Variants in MAP3K7 observed in about 807,000 individuals in gnomAD.
The protein encoded by MAP3K7 is TGF-beta activated kinase 1.
In MAP3K7, 21 loss-of-function variants were observed where a neutral mutation model predicts 84.8. The observed-to-expected ratio is 0.25, with a 90% CI of 0.18 to 0.36. The LOEUF is 0.36. MAP3K7 is among the 10% of genes least tolerant of loss of function. The probability of loss-of-function intolerance (pLI) is 1.00; values close to 1 mark genes in which losing one functional copy is unlikely to be tolerated. For synonymous variants in MAP3K7, 241 were observed against 247.7 expected, an observed-to-expected ratio of 0.97 and a Z score of 0.25; for missense variants, 503 against 747.7, an observed-to-expected ratio of 0.67 and a Z score of 3.82.
intron 9 of MAP3K7, among the ~76,000 whole-genome samples, 175 bp from the exon 10 acceptor site, chr6:90,548,352 T>C (rs1164852896): frequency 1.3e-5 from 2 of 152,112 alleles, no homozygotes; most frequent in African/African-American, 2.4e-5. Context: ...AACTTAAGGA[T>C]AGCACAAAAA....
intron 1 of MAP3K7, among the ~76,000 whole-genome samples, chr6:90,574,272 CTTTCT>C (rs1483340102): frequency 6.6e-6 from 1 of 152,048 alleles, no homozygotes; most frequent in Non-Finnish European, 1.5e-5. Context: ...CATTTCTTTT[CTTTCT>C]TTTTTCTTTT....
chr6:90,514,675 A>T lies in MAP3K7; in HGVS notation c.*1826T>A, dbSNP rs934724595. On this transcript the variant is annotated 3_prime_UTR_variant, in exon 17 of 17. Coordinates refer to ENST00000369329, the MANE Select transcript of MAP3K7 (RefSeq NM_145331.3). The stretch of plus-strand genomic sequence containing the variant: ...TCACGCTTGGATATCTCGTGCTGAG[A>T]TAAAAGGCCTCTTTAAAGTGACTAG... 1 of 152,028 alleles carries T rather than the reference A, an allele frequency of 6.6e-6. No individual in the cohort carries two copies. Among genetic ancestry groups the T allele is most frequent in the Non-Finnish European group, 1.5e-5 (1 of 67,956 alleles). The allele number at this position is 152,028 out of a possible 1,614,324, so 9.4% of individuals were successfully genotyped here. A position where few individuals can be genotyped will look rare whatever the true frequency, so the allele number is the denominator to read the frequency against.
At chr6:90,560,745 C>T (rs1776485876) in intron 4 of MAP3K7, among the ~76,000 whole-genome samples, 1 of 152,074 alleles carries the variant, frequency 6.6e-6, no homozygotes, top group African/African-American at 2.4e-5. Flanking sequence ...TTTAATAGTA[C>T]ATCTATTAAA....
chr6:90,544,562 G>T lies in MAP3K7; in HGVS notation c.1281C>A (p.Ile427=). ...GGTGGTCTATGATACCTGATATGAC[G>T]ATCTCAGGGACATCCAGAATGTTGC... ...SFGNILDVPE[I]VISGNGQPRR... The change falls in exon 12 of 17, where the codon ATC becomes ATA. Residue 427 remains isoleucine (I), a synonymous_variant. Transcript: ENST00000369329. The T allele has an allele frequency of 6.2e-7, 1 of 1,612,102 alleles. No individual in the cohort carries two copies. The highest frequency in any genetic ancestry group is 1.1e-5 in the South Asian group (1 of 91,030).
chr6:90,534,960 G>T (rs1180002257), intron 13 of MAP3K7, among the ~76,000 whole-genome samples: 1 of 152,084 alleles, frequency 6.6e-6, no homozygotes, highest in Non-Finnish European at 1.5e-5. Context: ...AAGTATCTGA[G>T]GGGGAGAAAA....
intron 6 of MAP3K7, among the ~76,000 whole-genome samples, chr6:90,555,350 G>A (rs562396275): frequency 5.2e-4 from 79 of 152,066 alleles, no homozygotes; most frequent in African/African-American, 1.8e-3. Flanking sequence ...CCGCCTCCCG[G>A]GTTCACACCA....
chr6:90,538,723 C>T (rs766464307), intron 12 of MAP3K7, among the ~76,000 whole-genome samples: 2 of 151,846 alleles, frequency 1.3e-5, no homozygotes, highest in African/African-American at 4.8e-5. Context: ...CAGAGCCCCT[C>T]TTCAAAAAAG....
chr6:90,529,463 G>A (rs993067900), intron 13 of MAP3K7, among the ~76,000 whole-genome samples: 4 of 152,120 alleles, frequency 2.6e-5, no homozygotes, highest in Non-Finnish European at 5.9e-5. Context: ...CTGAGACTTA[G>A]GTTTCTCATT....
Position 90,552,064 on chromosome 6 carries a change from C to T in MAP3K7, c.852G>A (p.Met284Ile), listed in dbSNP as rs1197604380. Residue 284 changes from methionine (M) to isoleucine (I), a missense_variant, in exon 8 of 17, where the codon ATG (methionine) becomes ATA (isoleucine). Physicochemically the swap from Met to Ile is conservative, Grantham distance 10 (BLOSUM62 1). This residue lies in a region of MAP3K7 where 286 missense variants were observed against 313.6 expected (regional missense o/e 0.91). Coordinates refer to ENST00000369329, the MANE Select transcript of MAP3K7 (RefSeq NM_145331.3). Reference protein sequence around the residue: ...RPSMEEIVKIMTHLMRYFPGA... With the variant: ...RPSMEEIVKIITHLMRYFPGA... ...AGGATTATACCCGCATCAAGTGAGT[C>T]ATTATTTTCACAATTTCCTCCATTG... 1.9e-6 allele frequency: 3 copies of T among 1,610,422 alleles called. No homozygotes were observed. Among genetic ancestry groups the T allele is most frequent in the Non-Finnish European group, 2.5e-6 (3 of 1,177,294 alleles).
chr6:90,557,445 C>A (rs536040194), intron 5 of MAP3K7, among the ~76,000 whole-genome samples: 1 of 152,228 alleles, frequency 6.6e-6, no homozygotes, highest in South Asian at 2.1e-4. Flanking sequence ...CTCTTTTAGT[C>A]CAATGTGACT....
chr6:90,576,338 G>T (rs2127986758), intron 1 of MAP3K7, among the ~76,000 whole-genome samples: 1 of 151,858 alleles, frequency 6.6e-6, no homozygotes, highest in Non-Finnish European at 1.5e-5. Flanking sequence ...CAGGAGAATG[G>T]CGTGAACCTG....
chr6:90,585,359 T>C (rs896834727), intron 1 of MAP3K7, among the ~76,000 whole-genome samples: 1 of 152,172 alleles, frequency 6.6e-6, no homozygotes, highest in African/African-American at 2.4e-5. Context: ...TTCCAAAACA[T>C]GCACAGGAAA....
At chr6:90,518,893 T>C (rs980317795) in intron 15 of MAP3K7, among the ~76,000 whole-genome samples, 2 of 151,760 alleles carry the variant, frequency 1.3e-5, no homozygotes, top group African/African-American at 4.8e-5. Flanking sequence ...CTGAAGTATA[T>C]TATTTACATT....
chr6:90,581,328 G>C (rs950645682), intron 1 of MAP3K7, among the ~76,000 whole-genome samples: 1 of 152,078 alleles, frequency 6.6e-6, no homozygotes, highest in Non-Finnish European at 1.5e-5. Context: ...CCTGTTCTAT[G>C]AACTATCTGA....
In MAP3K7 at chr6:90,550,550, CTA is replaced by C; in HGVS notation, c.868-3_868-2del. 6.3e-7 allele frequency: 1 copy of C among 1,592,542 alleles called. No individual in the cohort carries two copies. The highest frequency in any genetic ancestry group is 1.3e-5 in the African/African-American group (1 of 74,434). ...ATGGCTCATCTGCTCCTGGAAAGTA[CTA>C]TATATAAAAAAGTAAACCACAGCTT... On this transcript the variant is annotated splice_acceptor_variant and splice_polypyrimidine_tract_variant and intron_variant, in intron 8 of 16. Transcript: ENST00000369329. LOFTEE classifies it high-confidence loss of function.
chr6:90,537,713 T>A (rs971434273), intron 12 of MAP3K7, among the ~76,000 whole-genome samples: 3 of 151,972 alleles, frequency 2.0e-5, no homozygotes, highest in Admixed American at 1.3e-4. Context: ...AAACTGTGCA[T>A]TTATTGAATT....
In MAP3K7 at chr6:90,564,395, C is replaced by CA. The variant is rs557363773; in HGVS notation, c.298-2729dup. 2.4e-3 allele frequency among the ~76,000 whole-genome samples: 365 copies of CA among 150,656 alleles called. 1 individual carries two copies. Among genetic ancestry groups the CA allele is most frequent in the Non-Finnish European group, 4.0e-3 (273 of 67,608 alleles). ...GAAGATCTACCAAGCAAATGGAAAA[C>CA]AAAAAAAAGGCAGGGGTTGCAATCC... is the stretch of plus-strand genomic sequence containing the variant. On this transcript the variant is annotated intron_variant, in intron 3 of 16. Transcript: ENST00000369329.
intron 16 of MAP3K7, among the ~76,000 whole-genome samples, chr6:90,517,159 T>C (rs1200435441): frequency 1.3e-5 from 2 of 151,826 alleles, no homozygotes; most frequent in African/African-American, 4.8e-5. Context: ...CTATCCAATT[T>C]AAAGCTTTTT....
chr6:90,558,198 T>G, intron 5 of MAP3K7, among the ~76,000 whole-genome samples: 1 of 152,150 alleles, frequency 6.6e-6, no homozygotes, highest in East Asian at 1.9e-4. Flanking sequence ...GGCACATGCC[T>G]GTAGTCCCAG....
Sources: allele counts gnomAD v4.1 joint callset (sites outside exome capture counted in the v4.1 genomes callset), GRCh38; gene constraint gnomAD v4.1.1; regional missense constraint gnomAD v4.1.1; transcripts MANE v1.5; gene names NCBI Gene and HGNC (gene_info 2026-07-23, HGNC 2026-07-21).